Variants in POLE4 observed in about 807,000 individuals in gnomAD.
POLE4 encodes DNA polymerase epsilon subunit 4.
POLE4 carries 15 observed loss-of-function variants against 15.6 expected under a neutral mutation model. That is an observed-to-expected ratio of 0.96 (90% CI 0.64 to 1.48). The LOEUF is 1.48. POLE4 is among the 40% of genes most tolerant of loss of function. The probability of loss-of-function intolerance (pLI) is 0.00; values close to 1 mark genes in which losing one functional copy is unlikely to be tolerated. For missense variants in POLE4, 205 were observed against 151.9 expected (o/e 1.35, Z -1.84); for synonymous variants, 83 against 63.2 (o/e 1.31, Z -1.49).
intron 3 of POLE4, among the ~76,000 whole-genome samples, chr2:74,968,743 C>CT (rs761163043): frequency 2.0e-5 from 3 of 151,438 alleles, no homozygotes; most frequent in Admixed American, 6.6e-5. Context: ...TGGTCATTAA[C>CT]CCATTTTCAT....
intron 2 of POLE4, 25 bp downstream of exon 2, chr2:74,959,450 G>A: frequency 6.9e-7 from 1 of 1,459,126 alleles, no homozygotes; most frequent in South Asian, 1.1e-5. Context: ...CAGTGTCTGG[G>A]GACAGACAAG....
At position 74,959,380 on chromosome 2, in the gene POLE4, T is replaced by TG; in HGVS notation, c.254dup (p.Cys85TrpfsTer17). ...GACCATTGCAAAAGATGCCTACTGT[T>TG]GCGCTCAGCAGGGAAAAAGGAAAAC... is the stretch of plus-strand genomic sequence containing the variant. On this transcript the variant is annotated frameshift_variant, in exon 2 of 4. Transcript: ENST00000483063. LOFTEE classifies it high-confidence loss of function. 1.2e-6 allele frequency: 2 copies of TG among 1,613,966 alleles called. No individual in the cohort carries two copies. Among genetic ancestry groups the TG allele is most frequent in the Non-Finnish European group, 1.7e-6 (2 of 1,179,838 alleles).
chr2:74,960,495 C>T (rs753610875), intron 3 of POLE4: 1 of 466,072 alleles, frequency 2.1e-6, no homozygotes, highest in Non-Finnish European at 4.2e-6. Flanking sequence ...CAATTGTTAA[C>T]ATTTAAAGGG....
At position 74,958,832 on chromosome 2, in the gene POLE4, G is replaced by C; in HGVS notation, c.153G>C (p.Lys51Asn). Reference protein sequence around the residue: ...LPLARVKALVKADPDVTLAGQ... With the variant: ...LPLARVKALVNADPDVTLAGQ... ...TGGCGCGAGTGAAGGCCTTGGTGAA[G>C]GCAGATCCCGACGTGACGCTAGCGG... Residue 51 changes from lysine (K) to asparagine (N), a missense_variant, in exon 1 of 4, where the codon AAG becomes AAC. Lys to Asn is a moderately conservative substitution (Grantham distance 94). Coordinates refer to ENST00000483063, the MANE Select transcript of POLE4 (RefSeq NM_019896.4). 1 of 1,559,886 alleles carries C rather than the reference G, an allele frequency of 6.4e-7. No individual in the cohort carries two copies. Among genetic ancestry groups the C allele is most frequent in the African/African-American group, 1.4e-5 (1 of 73,544 alleles).
Position 74,966,048 on chromosome 2 carries a change from TG to T in POLE4, c.341-3360del, listed in dbSNP as rs1389833217. Among the ~76,000 whole-genome samples the T allele has an allele frequency of 6.6e-5, 10 of 151,164 alleles. No homozygotes were observed. The East Asian group carries it at 1.3e-3, about 20-fold the overall frequency. On this transcript the variant is annotated intron_variant, in intron 3 of 3. Transcript: ENST00000483063. ...CTTTTTATTTGCTTGTTTTATGTTT[TG>T]TTTTTTTTTTCTCTCAATTTTTGGC...
chr2:74,964,822 CCTTAT>C (rs1360432929), intron 3 of POLE4, among the ~76,000 whole-genome samples: 1 of 151,962 alleles, frequency 6.6e-6, no homozygotes, highest in East Asian at 1.9e-4. Context: ...TCTTTCCAAT[CCTTAT>C]CTTTATATAT....
Position 74,969,661 on chromosome 2 carries a change from A to C in POLE4, c.*239A>C. Reference sequence around the variant, plus strand: ...GCAGCTGCTGCTGCTTAGAGCAGAGATGAAGAAAGTGTTCTGCATAAGTGG... The same window carrying C: ...GCAGCTGCTGCTGCTTAGAGCAGAGCTGAAGAAAGTGTTCTGCATAAGTGG... On this transcript the variant is annotated 3_prime_UTR_variant, in exon 4 of 4. Transcript: ENST00000483063. 1.8e-6 allele frequency: 1 copy of C among 565,256 alleles called. No homozygotes were observed. Among genetic ancestry groups the C allele is most frequent in the Non-Finnish European group, 3.2e-6 (1 of 314,280 alleles). The allele number at this position is 565,256 out of a possible 1,614,324, so 35.0% of individuals were successfully genotyped here. A position where few individuals can be genotyped will look rare whatever the true frequency, so the allele number is the denominator to read the frequency against.
rs567657217 is a variant in POLE4 at position 74,959,767 on chromosome 2, G to C, written c.299-338G>C. 8 of 433,096 alleles carry C rather than the reference G, an allele frequency of 1.8e-5. No homozygotes were observed. In the East Asian group the frequency reaches 1.9e-4, roughly 10 times the overall value. 26.8% of individuals were successfully genotyped at this position (433,096 alleles called of 1,614,324 possible). A position where few individuals can be genotyped will look rare whatever the true frequency, so the allele number is the denominator to read the frequency against. ...GGAACCCTCACCTGGGTAAGATTTC[G>C]TATACCGTATTCTCATGCGCCCTGC... On this transcript the variant is annotated intron_variant, in intron 2 of 3. Coordinates refer to ENST00000483063, the MANE Select transcript of POLE4 (RefSeq NM_019896.4).
chr2:74,960,105 A>T lies in POLE4; in HGVS notation c.299A>T (p.Asp100Val). ...GGTGTCTCTTTTCCTTGTGTTTCAGATAATGCAATAGAAGCTGTGGATGAA... is the reference window on the plus strand; with the variant it reads ...GGTGTCTCTTTTCCTTGTGTTTCAGTTAATGCAATAGAAGCTGTGGATGAA... ...KRKTLQRRDL[D>V]NAIEAVDEFA... Residue 100 changes from aspartate (D) to valine (V), a missense_variant and splice_region_variant, in exon 3 of 4, where the codon GAT (aspartate) becomes GTT (valine). Coordinates refer to ENST00000483063, the MANE Select transcript of POLE4 (RefSeq NM_019896.4). 2.5e-6 allele frequency: 4 copies of T among 1,613,768 alleles called. No individual in the cohort carries two copies. The highest frequency in any genetic ancestry group is 3.4e-6 in the Non-Finnish European group (4 of 1,179,686).
intron 3 of POLE4, among the ~76,000 whole-genome samples, chr2:74,967,118 A>G (rs770171215): frequency 6.6e-6 from 1 of 152,048 alleles, no homozygotes; most frequent in African/African-American, 2.4e-5. Context: ...AATGTCTTTC[A>G]TCTGTCCTGG....
rs1039181719 is a variant in POLE4 at position 74,960,223 on chromosome 2, G to A, written c.340+77G>A. ...TGTGAAATTCAAAATCTCATAAAAC[G>A]GATGCCTGCTTCTTGTTTGTGTAGG... On this transcript the variant is annotated intron_variant, in intron 3 of 3. Transcript: ENST00000483063. 2.1e-5 allele frequency: 25 copies of A among 1,181,062 alleles called. No homozygotes were observed. In the Admixed American group the frequency reaches 2.8e-4, roughly 13 times the overall value. 73.2% of individuals were successfully genotyped at this position (1,181,062 alleles called of 1,614,324 possible).
intron 2 of POLE4, 71 bp downstream of exon 2, chr2:74,959,496 G>C: frequency 6.2e-6 from 6 of 971,380 alleles, no homozygotes; most frequent in Non-Finnish European, 9.8e-6. Flanking sequence ...TGCAGGTTGA[G>C]AAGACGTCAC....
At chr2:74,966,671 T>A (rs1671300626) in intron 3 of POLE4, among the ~76,000 whole-genome samples, 1 of 152,222 alleles carries the variant, frequency 6.6e-6, no homozygotes, top group African/African-American at 2.4e-5. Context: ...TCCCAAGTGC[T>A]GGGATTACAG....
intron 2 of POLE4, chr2:74,959,662 T>A: frequency 2.2e-6 from 1 of 458,248 alleles, no homozygotes; most frequent in South Asian, 3.8e-5. Flanking sequence ...CCTTCATACC[T>A]TCTGCCAAAT....
rs578025325 is a variant in POLE4 at position 74,959,897 on chromosome 2, A to G, written c.299-208A>G. 54 of 564,050 alleles carry G rather than the reference A, an allele frequency of 9.6e-5. 1 individual carries two copies. In the South Asian group the frequency reaches 1.3e-3, roughly 14 times the overall value. The allele number at this position is 564,050 out of a possible 1,614,324, so 34.9% of individuals were successfully genotyped here. A position where few individuals can be genotyped will look rare whatever the true frequency, so the allele number is the denominator to read the frequency against. On this transcript the variant is annotated intron_variant, in intron 2 of 3. Transcript: ENST00000483063. ...CCCCCGCGTTGAATGGTATTTGCCT[A>G]TGCTTTTCTTAACTCTTCTAGGGAG...
At chr2:74,959,034 G>A in intron 1 of POLE4, 142 bp downstream of exon 1, 1 of 742,804 alleles carries the variant, frequency 1.3e-6, no homozygotes, top group Non-Finnish European at 2.2e-6. Flanking sequence ...GGAGGAAAGG[G>A]GCCGGGGACC....
rs1253323959 is a variant in POLE4 at position 74,969,688 on chromosome 2, T to G, written c.*266T>G. ...GAAGAAAGTGTTCTGCATAAGTGGC[T>G]TCCTGAATGATGAGGACCAGAATAA... On this transcript the variant is annotated 3_prime_UTR_variant, in exon 4 of 4. Coordinates refer to ENST00000483063, the MANE Select transcript of POLE4 (RefSeq NM_019896.4). 1.9e-6 allele frequency: 1 copy of G among 514,978 alleles called. No homozygotes were observed. Among genetic ancestry groups the G allele is most frequent in the African/African-American group, 1.9e-5 (1 of 52,420 alleles). 31.9% of individuals were successfully genotyped at this position (514,978 alleles called of 1,614,324 possible). A position where few individuals can be genotyped will look rare whatever the true frequency, so the allele number is the denominator to read the frequency against.
chr2:74,966,362 T>C (rs1671296262), intron 3 of POLE4, among the ~76,000 whole-genome samples: 2 of 152,184 alleles, frequency 1.3e-5, no homozygotes, highest in African/African-American at 4.8e-5. Context: ...GTCAATGATA[T>C]ATGGATTTAG....
rs144200621 is a variant in POLE4 at position 74,959,382 on chromosome 2, C to G, written c.255C>G (p.Cys85Trp). The G allele has an allele frequency of 1.2e-5, 19 of 1,613,634 alleles. No individual in the cohort carries two copies. Among genetic ancestry groups the G allele is most frequent in the Non-Finnish European group, 1.4e-5 (17 of 1,179,680 alleles). Reference protein sequence around the residue: ...VETIAKDAYCCAQQGKRKTLQ... With the variant: ...VETIAKDAYCWAQQGKRKTLQ... ...CCATTGCAAAAGATGCCTACTGTTG[C>G]GCTCAGCAGGGAAAAAGGAAAACCC... The change falls in exon 2 of 4, where the codon TGC becomes TGG. Residue 85 changes from cysteine (C) to tryptophan (W), a missense_variant. Cys to Trp is a radical substitution (Grantham distance 215, BLOSUM62 -2). Transcript: ENST00000483063.
Sources: gnomAD v4.1 joint callset for allele counts (sites outside exome capture counted in the v4.1 genomes callset) on GRCh38, gnomAD v4.1.1 for gene constraint, MANE v1.5 for transcripts, NCBI Gene and HGNC (gene_info 2026-07-23, HGNC 2026-07-21) for gene names.